PLCB1: variants seen among roughly 807,000 people sequenced by gnomAD.
The protein encoded by PLCB1 is phospholipase C beta 1, also known as 1-phosphatidylinositol 4,5-bisphosphate phosphodiesterase beta-1.
In PLCB1, 46 loss-of-function variants were observed where a neutral mutation model predicts 161.8. The observed-to-expected ratio is 0.28, with a 90% confidence interval of 0.22 to 0.36. The LOEUF is 0.36. PLCB1 is among the 10% of genes least tolerant of loss of function. The pLI, the probability that PLCB1 is intolerant of heterozygous loss-of-function variation, is 1.00. For synonymous variants in PLCB1, 517 were observed against 503.7 expected, an observed-to-expected ratio of 1.03 and a Z score of -0.35; for missense variants, 1,016 against 1,472.5, an observed-to-expected ratio of 0.69 and a Z score of 5.07.
At chr20:8,680,269 G>C (rs1990182068) in intron 9 of PLCB1, among the ~76,000 whole-genome samples, 1 of 152,154 alleles carries the variant, frequency 6.6e-6, no homozygotes, top group Non-Finnish European at 1.5e-5. Flanking sequence ...TAATATTCCA[G>C]CTGAAGGTTA....
intron 20 of PLCB1, among the ~76,000 whole-genome samples, chr20:8,738,576 A>T (rs1028102781): frequency 1.5e-4 from 23 of 151,732 alleles, no homozygotes; most frequent in Admixed American, 1.3e-4. Context: ...AACACAAATT[A>T]AAAAAAAAGA....
intron 3 of PLCB1, among the ~76,000 whole-genome samples, chr20:8,589,211 C>CTTCA (rs10627341): frequency 0.84 from 127,137 of 151,742 alleles, 53,522 homozygotes; most frequent in African/African-American, 0.87. Context: ...AAACTCACTC[C>CTTCA]TTCATTCAAC....
chr20:8,699,461 A>T (rs565130609), intron 11 of PLCB1, among the ~76,000 whole-genome samples: 18 of 152,352 alleles, frequency 1.2e-4, no homozygotes, highest in Admixed American at 8.5e-4. Context: ...AAGAAGAGGT[A>T]AAAACTCTTT....
chr20:8,687,049 A>G (rs1383786912), intron 10 of PLCB1, among the ~76,000 whole-genome samples: 1 of 151,576 alleles, frequency 6.6e-6, no homozygotes, highest in East Asian at 1.9e-4. Context: ...TTCTTGAGAC[A>G]GGGCCTCACT....
chr20:8,774,766 T>C (rs759193496), intron 27 of PLCB1, 47 bp downstream of exon 27: 3 of 1,497,564 alleles, frequency 2.0e-6, no homozygotes, highest in South Asian at 2.5e-5. Context: ...GGAACTCCCT[T>C]ATAGGAAACT....
intron 2 of PLCB1, among the ~76,000 whole-genome samples, chr20:8,327,951 A>C (rs1985223125): frequency 6.6e-6 from 1 of 152,138 alleles, no homozygotes; most frequent in Non-Finnish European, 1.5e-5. Flanking sequence ...AGTAATACAC[A>C]TGCTTATATA....
At chr20:8,163,246 GAC>G (rs2051643569) in intron 2 of PLCB1, among the ~76,000 whole-genome samples, 1 of 152,202 alleles carries the variant, frequency 6.6e-6, no homozygotes, top group East Asian at 1.9e-4. Flanking sequence ...AGCCCTGGGA[GAC>G]AGTGCAGAGA....
intron 31 of PLCB1, among the ~76,000 whole-genome samples, chr20:8,848,234 CATGAGCTT>C (rs1986757888): frequency 6.6e-6 from 1 of 152,198 alleles, no homozygotes; most frequent in African/African-American, 2.4e-5. Flanking sequence ...GTCCCAAGAA[CATGAGCTT>C]ATGATCCTAC....
intron 1 of PLCB1, among the ~76,000 whole-genome samples, chr20:8,138,761 T>G (rs1241984235): frequency 6.6e-6 from 1 of 152,194 alleles, no homozygotes; most frequent in African/African-American, 2.4e-5. Flanking sequence ...TGGAATAGAT[T>G]ATAAAGGATG....
intron 3 of PLCB1, among the ~76,000 whole-genome samples, chr20:8,523,465 G>GCTCT (rs1174973173): frequency 0.029 from 1,390 of 48,670 alleles, 60 homozygotes; most frequent in African/African-American, 0.055. Context: ...TATATATTTG[G>GCTCT]CTCTCTCTCT....
chr20:8,550,339 C>A (rs1469569812), intron 3 of PLCB1, among the ~76,000 whole-genome samples: 2 of 152,064 alleles, frequency 1.3e-5, no homozygotes, highest in Non-Finnish European at 2.9e-5. Context: ...GTAATAATCC[C>A]CATGTGTCAA....
At chr20:8,734,927 A>G (rs1216823142) in intron 19 of PLCB1, among the ~76,000 whole-genome samples, 1 of 152,202 alleles carries the variant, frequency 6.6e-6, no homozygotes. Context: ...GCACATTTTT[A>G]CCTTAAAACT....
chr20:8,623,710 A>G (rs563876973), intron 3 of PLCB1, among the ~76,000 whole-genome samples: 2 of 152,198 alleles, frequency 1.3e-5, no homozygotes, highest in African/African-American at 4.8e-5. Flanking sequence ...GAAATACTTA[A>G]ACAAGTAACA....
Position 8,320,299 on chromosome 20 carries a change from A to G in PLCB1, c.178-51083A>G, listed in dbSNP as rs115421736. Reference sequence around the variant, plus strand: ...ATCAACTACAAAACATCCACGTAATAGCAGTTAATACTATTTGTTACATGC... The same window carrying G: ...ATCAACTACAAAACATCCACGTAATGGCAGTTAATACTATTTGTTACATGC... On this transcript the variant is annotated intron_variant, in intron 2 of 31. Transcript: ENST00000338037. 1.7e-3 allele frequency among the ~76,000 whole-genome samples: 252 copies of G among 152,336 alleles called. 1 individual carries two copies. The highest frequency in any genetic ancestry group is 5.5e-3 in the African/African-American group (227 of 41,572).
chr20:8,767,725 G>A (rs1033879487), intron 26 of PLCB1, among the ~76,000 whole-genome samples: 1 of 152,146 alleles, frequency 6.6e-6, no homozygotes, highest in African/African-American at 2.4e-5. Flanking sequence ...GAACCCTGTC[G>A]AGGGCTGTTC....
intron 2 of PLCB1, among the ~76,000 whole-genome samples, chr20:8,200,498 AT>A (rs1256748148): frequency 2.0e-5 from 3 of 151,992 alleles, no homozygotes; most frequent in Non-Finnish European, 4.4e-5. Context: ...TGCTTTCAAA[AT>A]TTTATTATTA....
chr20:8,553,683 AC>A (rs1476319075), intron 3 of PLCB1, among the ~76,000 whole-genome samples: 1 of 152,104 alleles, frequency 6.6e-6, no homozygotes, highest in Non-Finnish European at 1.5e-5. Context: ...ATACAGAAAA[AC>A]ATTATCATTA....
chr20:8,243,331 A>T (rs532141679), intron 2 of PLCB1, among the ~76,000 whole-genome samples: 1 of 152,108 alleles, frequency 6.6e-6, no homozygotes, highest in South Asian at 2.1e-4. Context: ...GGAAAAGGTT[A>T]ATTTTCTAAC....
chr20:8,697,492 G>A, intron 10 of PLCB1, 134 bp from the exon 11 acceptor site: 2 of 849,442 alleles, frequency 2.4e-6, no homozygotes, highest in Non-Finnish European at 3.8e-6. Context: ...TGTTGAGGCA[G>A]AAGAAAGGCA....
Sources: gnomAD v4.1 joint callset for allele counts (sites outside exome capture counted in the v4.1 genomes callset) on GRCh38, gnomAD v4.1.1 for gene constraint, MANE v1.5 for transcripts, NCBI Gene and HGNC (gene_info 2026-07-23, HGNC 2026-07-21) for gene names.